UBE2H: variants seen among roughly 807,000 people sequenced by gnomAD.
UBE2H encodes the protein ubiquitin conjugating enzyme E2 H, also known as ubiquitin-conjugating enzyme E2 H.
Under a neutral mutation model 29.0 loss-of-function variants are expected in UBE2H, and 3 were observed. That is an observed-to-expected ratio of 0.10 (90% CI 0.05 to 0.27). The LOEUF (loss-of-function observed/expected upper bound fraction) is 0.27. Ranked by LOEUF, UBE2H falls within the 10% of genes least tolerant of loss-of-function variation. UBE2H has a pLI of 1.00. For missense variants in UBE2H, 68 were observed against 228.2 expected, an observed-to-expected ratio of 0.30 and a Z score of 4.52; for synonymous variants, 69 against 82.9, an observed-to-expected ratio of 0.83 and a Z score of 0.91.
chr7:129,855,088 T>C (rs1261609649), intron 5 of UBE2H, among the ~76,000 whole-genome samples: 1 of 152,204 alleles, frequency 6.6e-6, no homozygotes, highest in Non-Finnish European at 1.5e-5. Context: ...AAATTGACTG[T>C]GGTGATGGCT....
intron 1 of UBE2H, among the ~76,000 whole-genome samples, chr7:129,907,911 CA>C: frequency 6.6e-6 from 1 of 152,150 alleles, no homozygotes; most frequent in Non-Finnish European, 1.5e-5. Context: ...GAGATTAATT[CA>C]AGCCAGCTGA....
At chr7:129,887,184 A>T (rs552236532) in intron 1 of UBE2H, among the ~76,000 whole-genome samples, 1 of 151,880 alleles carries the variant, frequency 6.6e-6, no homozygotes, top group African/African-American at 2.4e-5. Context: ...AACAAGAACT[A>T]GAACTAGAAT....
chr7:129,938,189 T>C (rs893423294), intron 1 of UBE2H, among the ~76,000 whole-genome samples: 5 of 151,958 alleles, frequency 3.3e-5, no homozygotes, highest in African/African-American at 4.8e-5. Flanking sequence ...GGCAAGAGGA[T>C]TGCTTGAACT....
chr7:129,949,910 T>TGG (rs1200962480), intron 1 of UBE2H, among the ~76,000 whole-genome samples: 2 of 152,144 alleles, frequency 1.3e-5, no homozygotes, highest in Admixed American at 1.3e-4. Context: ...TCAAGGGGCA[T>TGG]GGGGGGCAAG....
intron 3 of UBE2H, among the ~76,000 whole-genome samples, chr7:129,874,028 T>C (rs937782788): frequency 1.3e-5 from 2 of 152,296 alleles, no homozygotes; most frequent in South Asian, 2.1e-4. Flanking sequence ...TTTTAAGAAG[T>C]ATAAATGATG....
In UBE2H at chr7:129,935,704, G is replaced by A. The variant is rs1807514096; in HGVS notation, c.53+16799C>T. 2.0e-5 allele frequency among the ~76,000 whole-genome samples: 3 copies of A among 152,018 alleles called. No homozygotes were observed. The South Asian group carries it at 6.2e-4, about 31-fold the overall frequency. On this transcript the variant is annotated intron_variant, in intron 1 of 6. Coordinates refer to ENST00000355621, the MANE Select transcript of UBE2H (RefSeq NM_003344.4). ...TTTACGAATCTTATATTGATAAGCA[G>A]GATTAACAGACATTACTAGGCTGTT...
intron 5 of UBE2H, among the ~76,000 whole-genome samples, chr7:129,846,847 A>G (rs1036069421): frequency 2.6e-5 from 4 of 151,938 alleles, no homozygotes; most frequent in African/African-American, 9.7e-5. Context: ...TTCTCCTTCT[A>G]CTACCTGTCC....
intron 1 of UBE2H, among the ~76,000 whole-genome samples, chr7:129,931,704 T>C (rs1476630468): frequency 1.3e-5 from 2 of 152,208 alleles, no homozygotes; most frequent in African/African-American, 2.4e-5. Flanking sequence ...CAGATAATTC[T>C]GGACATTTTT....
At chr7:129,902,626 GCCT>G (rs1309507854) in intron 1 of UBE2H, among the ~76,000 whole-genome samples, 3 of 152,202 alleles carry the variant, frequency 2.0e-5, no homozygotes, top group Non-Finnish European at 2.9e-5. Flanking sequence ...GTAGCCTACA[GCCT>G]CCTATTTAAG....
intron 1 of UBE2H, among the ~76,000 whole-genome samples, chr7:129,931,417 C>T (rs1395624466): frequency 2.0e-5 from 3 of 151,574 alleles, no homozygotes; most frequent in African/African-American, 7.3e-5. Context: ...CTGAAGACCT[C>T]AAAGAGCTTT....
chr7:129,848,220 C>T (rs534231862), intron 5 of UBE2H, among the ~76,000 whole-genome samples: 2 of 152,252 alleles, frequency 1.3e-5, no homozygotes, highest in Non-Finnish European at 2.9e-5. Context: ...AAGACTCTGT[C>T]TCAAACAAAA....
intron 1 of UBE2H, among the ~76,000 whole-genome samples, chr7:129,937,333 C>CA (rs1485721676): frequency 1.3e-5 from 2 of 149,926 alleles, no homozygotes; most frequent in East Asian, 2.0e-4. Context: ...CATCTCAAAA[C>CA]AAAAAAAAGA....
intron 3 of UBE2H, among the ~76,000 whole-genome samples, chr7:129,868,750 A>G (rs1033475577): frequency 1.4e-4 from 21 of 152,146 alleles, no homozygotes; most frequent in African/African-American, 4.6e-4. Flanking sequence ...ATGAAGGTAA[A>G]TGAATTTAGA....
chr7:129,879,065 C>G (rs1279875711), intron 3 of UBE2H, among the ~76,000 whole-genome samples: 1 of 152,102 alleles, frequency 6.6e-6, no homozygotes, highest in Non-Finnish European at 1.5e-5. Context: ...GGTTTCTATT[C>G]TTTCTTCTGC....
intron 3 of UBE2H, among the ~76,000 whole-genome samples, chr7:129,876,911 A>G (rs1202366456): frequency 1.3e-5 from 2 of 152,226 alleles, no homozygotes; most frequent in Non-Finnish European, 2.9e-5. Flanking sequence ...ACAGCCCTCT[A>G]AAACTATATT....
chr7:129,876,794 T>C (rs1806152158), intron 3 of UBE2H, among the ~76,000 whole-genome samples: 1 of 152,224 alleles, frequency 6.6e-6, no homozygotes, highest in African/African-American at 2.4e-5. Context: ...TGTCTACCTA[T>C]ATTCCTTTTC....
intron 1 of UBE2H, among the ~76,000 whole-genome samples, chr7:129,905,207 A>C (rs1049507178): frequency 6.6e-6 from 1 of 151,748 alleles, no homozygotes; most frequent in East Asian, 1.9e-4. Flanking sequence ...AATGAAAAAG[A>C]AAGACTGGCA....
intron 1 of UBE2H, among the ~76,000 whole-genome samples, chr7:129,927,172 G>C (rs1357142066): frequency 6.6e-6 from 1 of 152,104 alleles, no homozygotes; most frequent in African/African-American, 2.4e-5. Flanking sequence ...TTTTTATACA[G>C]AATAAAACAG....
intron 1 of UBE2H, among the ~76,000 whole-genome samples, chr7:129,947,472 CAAATT>C (rs1272068772): frequency 6.6e-6 from 1 of 152,164 alleles, no homozygotes; most frequent in Admixed American, 6.5e-5. Flanking sequence ...CCTTTGAACA[CAAATT>C]AAAGAGTAAC....
Sources: allele counts gnomAD v4.1 joint callset (sites outside exome capture counted in the v4.1 genomes callset), GRCh38; gene constraint gnomAD v4.1.1; transcripts MANE v1.5; gene names NCBI Gene and HGNC (gene_info 2026-07-23, HGNC 2026-07-21).